KANTR: variants seen among roughly 807,000 people sequenced by gnomAD.
The protein encoded by KANTR is KANTR integral membrane protein, also known as KDM5C adjacent transcript.
chrX:53,142,733 C>T (rs1173861086), downstream of KANTR: 7 of 426,016 alleles, frequency 1.6e-5, no homozygotes, highest in Admixed American at 1.0e-4. Flanking sequence ...CACATCTGCT[C>T]GCAGTCCATT....
intron 2 of KANTR, among the ~76,000 whole-genome samples, chrX:53,118,778 A>G (rs1439631684): frequency 9.4e-6 from 1 of 105,839 alleles, no homozygotes; most frequent in East Asian, 3.0e-4. Flanking sequence ...AAAAAAAAAG[A>G]TCTTTTTTGT....
chrX:53,123,289 G>A (rs1278571958), intron 2 of KANTR, among the ~76,000 whole-genome samples, 180 bp from the exon 3 acceptor site: 1 of 109,417 alleles, frequency 9.1e-6, no homozygotes, highest in Non-Finnish European at 1.9e-5. Context: ...AATATTTAAA[G>A]CCAATTTTTA....
At chrX:53,140,208 T>C (rs1441608447) in intron 2 of KANTR, among the ~76,000 whole-genome samples, 1 of 111,881 alleles carries the variant, frequency 8.9e-6, no homozygotes, top group African/African-American at 3.3e-5. Flanking sequence ...TAGATATGCA[T>C]TTACTGGGCC....
chrX:53,105,516 G>T (rs1217848760), intron 2 of KANTR, among the ~76,000 whole-genome samples: 4 of 106,783 alleles, frequency 3.7e-5, no homozygotes, highest in African/African-American at 1.4e-4. Context: ...TGGAGACGGA[G>T]TCTCACTCTG....
chrX:53,123,982 G>A, exon 3 of KANTR: 1 of 159,457 alleles, frequency 6.3e-6, no homozygotes, highest in Non-Finnish European at 1.2e-5. Flanking sequence ...GGTCCTACCC[G>A]GACACCTCTA....
intron 2 of KANTR, among the ~76,000 whole-genome samples, chrX:53,119,048 T>C (rs1301488335): frequency 3.0e-5 from 3 of 98,997 alleles, no homozygotes; most frequent in Admixed American, 1.1e-4. Flanking sequence ...TTCTTTCTTT[T>C]TTTTTTTTTT....
In KANTR at chrX:53,098,067, A is replaced by AG. The variant is rs1254777105; in HGVS notation, c.-941-1405_-941-1404insG. 3.4e-3 allele frequency among the ~76,000 whole-genome samples: 370 copies of AG among 107,282 alleles called. 1 individual carries two copies. The highest frequency in any genetic ancestry group is 0.012 in the African/African-American group (349 of 29,310). The allele number at this position is 107,282 out of a possible 115,157, so 93.2% of individuals were successfully genotyped here. A position where few individuals can be genotyped will look rare whatever the true frequency, so the allele number is the denominator to read the frequency against. ...CTCTGTCTCAAAAAAAAAAAAAAAAAAAAGAAAGAAAGAAATTATATAATT... is the reference window on the plus strand; with the variant it reads ...CTCTGTCTCAAAAAAAAAAAAAAAAAGAAAGAAAGAAAGAAATTATATAATT... On this transcript the variant is annotated intron_variant, in intron 1 of 2. Coordinates refer to ENST00000604062, the Ensembl canonical transcript of KANTR.
At chrX:53,139,255 A>G (rs1933470041) in intron 2 of KANTR, among the ~76,000 whole-genome samples, 1 of 109,864 alleles carries the variant, frequency 9.1e-6, no homozygotes, top group African/African-American at 3.3e-5. Flanking sequence ...AATTCTAGGT[A>G]GATTGAGGAC....
At chrX:53,135,408 C>T (rs1556817493) in intron 2 of KANTR, among the ~76,000 whole-genome samples, 1 of 111,941 alleles carries the variant, frequency 8.9e-6, no homozygotes, top group Non-Finnish European at 1.9e-5. Flanking sequence ...GTGTCCCTAT[C>T]TCCACTGATG....
chrX:53,100,228 C>A (rs1372572577), intron 2 of KANTR, among the ~76,000 whole-genome samples: 1 of 112,059 alleles, frequency 8.9e-6, no homozygotes, highest in Non-Finnish European at 1.9e-5. Context: ...CGCCTGTAAT[C>A]TCAGCACTTT....
chrX:53,105,213 G>C (rs1490885329), intron 2 of KANTR, among the ~76,000 whole-genome samples: 1 of 111,440 alleles, frequency 9.0e-6, no homozygotes, highest in African/African-American at 3.3e-5. Flanking sequence ...CAAACTGTTT[G>C]CAAAAGTGGC....
chrX:53,109,337 T>C (rs1932995480), intron 2 of KANTR, among the ~76,000 whole-genome samples: 2 of 112,378 alleles, frequency 1.8e-5, no homozygotes, highest in Non-Finnish European at 3.8e-5. Context: ...GGCTGGAGTA[T>C]GCAGTGGCGC....
At chrX:53,110,888 A>C (rs1283690573) in intron 2 of KANTR, among the ~76,000 whole-genome samples, 1 of 107,833 alleles carries the variant, frequency 9.3e-6, no homozygotes, top group Non-Finnish European at 1.9e-5. Context: ...GCGCCACTGC[A>C]CTCCAGCCTG....
chrX:53,100,845 T>C (rs781831197), intron 2 of KANTR, among the ~76,000 whole-genome samples: 46 of 112,893 alleles, frequency 4.1e-4, no homozygotes, highest in Admixed American at 1.0e-3. Context: ...AACTATCTTA[T>C]GTAGATTTTT....
chrX:53,100,877 T>C (rs1474864924), intron 2 of KANTR, among the ~76,000 whole-genome samples: 1 of 112,971 alleles, frequency 8.9e-6, no homozygotes, highest in East Asian at 2.7e-4. Flanking sequence ...CCTTGCAGCT[T>C]CTACATCAGC....
intron 1 of KANTR, chrX:53,094,700 C>T (rs1445107814): frequency 8.9e-6 from 1 of 111,954 alleles, no homozygotes; most frequent in Admixed American, 9.5e-5. Context: ...AGCTATGAAA[C>T]CTTGAGCTAT....
intron 2 of KANTR, among the ~76,000 whole-genome samples, chrX:53,115,969 A>G (rs1017567202): frequency 1.8e-5 from 2 of 111,395 alleles, no homozygotes; most frequent in East Asian, 5.7e-4. Flanking sequence ...TGGACTCCCA[A>G]GGTTTGTTGT....
downstream of KANTR, among the ~76,000 whole-genome samples, chrX:53,145,417 G>A (rs1398792474): frequency 8.9e-6 from 1 of 112,074 alleles, no homozygotes; most frequent in African/African-American, 3.2e-5. Flanking sequence ...TAGCACAGCA[G>A]TCTGAGCTCA....
chrX:53,129,065 CTTTTTTTTT>C (rs10550250), downstream of KANTR, among the ~76,000 whole-genome samples: 1 of 55,492 alleles, frequency 1.8e-5, no homozygotes, highest in African/African-American at 5.7e-5. Context: ...TCTTCTTCTT[CTTTTTTTTT>C]TTTTTTTTTT....
Sources: allele counts gnomAD v4.1 joint callset (sites outside exome capture counted in the v4.1 genomes callset), GRCh38; gene constraint gnomAD v4.1.1; transcripts MANE v1.5; gene names NCBI Gene and HGNC (gene_info 2026-07-23, HGNC 2026-07-21).